PLVAP: variants seen among roughly 807,000 people sequenced by gnomAD.
The protein encoded by PLVAP is plasmalemma vesicle-associated protein.
A neutral mutation model predicts 43.1 loss-of-function variants in PLVAP; 34 were observed. The ratio of observed to expected loss-of-function variants is 0.79; its 90% confidence interval spans 0.60 to 1.05. The LOEUF (loss-of-function observed/expected upper bound fraction) is 1.05. Ranked by LOEUF, PLVAP falls within the 50% of genes least tolerant of loss-of-function variation. PLVAP has a pLI of 0.00. For synonymous variants in PLVAP, 241 were observed against 237.3 expected (o/e 1.02, Z -0.14); for missense variants, 574 against 593.4 (o/e 0.97, Z 0.34).
Position 17,352,134 on chromosome 19 carries a change from C to T in PLVAP, c.*228G>A. On this transcript the variant is annotated 3_prime_UTR_variant, in exon 6 of 6. Transcript: ENST00000252590. Reference sequence around the variant, plus strand: ...GTGATATGTGACGTCAGCGCCGTTGCTTGCGTGACGTCATCTCCGCGGCCG... The same window carrying T: ...GTGATATGTGACGTCAGCGCCGTTGTTTGCGTGACGTCATCTCCGCGGCCG... 1.0e-5 allele frequency: 6 copies of T among 592,478 alleles called. No individual in the cohort carries two copies. The highest frequency in any genetic ancestry group is 5.6e-5 in the Admixed American group (2 of 35,864). The allele number at this position is 592,478 out of a possible 1,614,324, so 36.7% of individuals were successfully genotyped here. A position where few individuals can be genotyped will look rare whatever the true frequency, so the allele number is the denominator to read the frequency against.
rs376229834 is a variant in PLVAP, at chr19:17,352,138, C to A, written c.*224G>T. On this transcript the variant is annotated 3_prime_UTR_variant, in exon 6 of 6. Transcript: ENST00000252590. ...TATGTGACGTCAGCGCCGTTGCTTG[C>A]GTGACGTCATCTCCGCGGCCGTGTG... 6.8e-5 allele frequency: 41 copies of A among 598,870 alleles called. No individual in the cohort carries two copies. The highest frequency in any genetic ancestry group is 9.2e-4 in the Middle Eastern group (2 of 2,172). 37.1% of individuals were successfully genotyped at this position (598,870 alleles called of 1,614,324 possible).
chr19:17,356,146 T>TA (rs1416148720), intron 5 of PLVAP, among the ~76,000 whole-genome samples: 1 of 151,924 alleles, frequency 6.6e-6, no homozygotes, highest in East Asian at 1.9e-4. Flanking sequence ...CTGTCTCTAC[T>TA]AAAAAATACA....
intron 5 of PLVAP, among the ~76,000 whole-genome samples, chr19:17,359,947 C>A (rs1393218958): frequency 1.3e-5 from 2 of 152,188 alleles, no homozygotes; most frequent in African/African-American, 2.4e-5. Flanking sequence ...TCCCTCACCC[C>A]CGTCCAGCCT....
At chr19:17,370,101 G>A (rs954794717) in intron 1 of PLVAP, among the ~76,000 whole-genome samples, 1 of 150,542 alleles carries the variant, frequency 6.6e-6, no homozygotes, top group Non-Finnish European at 1.5e-5. Flanking sequence ...ACACACCCAC[G>A]AGGGTGGCTA....
chr19:17,371,871 A>ATT lies in PLVAP; in HGVS notation c.369+5048_369+5049insAA, dbSNP rs34932593. The stretch of plus-strand genomic sequence containing the variant: ...TTGGAAGAGAACCCTCTGCAGAAAT[A>ATT]TAATAAGACATGAAGAATCAGGAGA... On this transcript the variant is annotated intron_variant, in intron 1 of 5. Coordinates refer to ENST00000252590, the MANE Select transcript of PLVAP (RefSeq NM_031310.3). 7.9e-4 allele frequency among the ~76,000 whole-genome samples: 120 copies of ATT among 152,300 alleles called. 3 individuals carry two copies. The Middle Eastern group carries it at 0.068, about 87-fold the overall frequency.
chr19:17,372,934 C>T (rs1277236127), intron 1 of PLVAP, among the ~76,000 whole-genome samples: 4 of 150,424 alleles, frequency 2.7e-5, no homozygotes, highest in East Asian at 2.0e-4. Flanking sequence ...GGCATGTTGG[C>T]GGGCACCTGT....
At position 17,376,977 on chromosome 19, in the gene PLVAP, A is replaced by G. The variant is rs2145729250; in HGVS notation, c.312T>C (p.Asn104=). The G allele has an allele frequency of 6.2e-7, 1 of 1,614,082 alleles. No individual in the cohort carries two copies. Among genetic ancestry groups the G allele is most frequent in the Non-Finnish European group, 8.5e-7 (1 of 1,180,018 alleles). ...TGATGCGGTCCAGGTCGCGGCGAGC[A>G]TTCAGCCACATCTGCATGATGGCAT... ...AKDAIMQMWL[N]ARRDLDRINA... The change falls in exon 1 of 6, where the codon AAT becomes AAC. Residue 104 remains asparagine (N), a synonymous_variant. Transcript: ENST00000252590.
intron 3 of PLVAP, among the ~76,000 whole-genome samples, chr19:17,361,530 G>A (rs1055765448): frequency 1.3e-5 from 2 of 151,968 alleles, no homozygotes; most frequent in African/African-American, 2.4e-5. Context: ...CCAACCTACC[G>A]TGTAGACTAA....
intron 5 of PLVAP, among the ~76,000 whole-genome samples, chr19:17,358,516 G>A (rs1038366795): frequency 1.3e-5 from 2 of 152,178 alleles, no homozygotes; most frequent in African/African-American, 4.8e-5. Flanking sequence ...AAACAGCAAT[G>A]CCAGGCCCTG....
At chr19:17,353,093 GC>G (rs1443525661) in intron 5 of PLVAP, among the ~76,000 whole-genome samples, 1 of 152,226 alleles carries the variant, frequency 6.6e-6, no homozygotes, top group Non-Finnish European at 1.5e-5. Context: ...TTGGCTTAGA[GC>G]CTGTTTCCTG....
chr19:17,352,322 C>A lies in PLVAP; in HGVS notation c.*40G>T, dbSNP rs780456168. On this transcript the variant is annotated 3_prime_UTR_variant, in exon 6 of 6. Coordinates refer to ENST00000252590, the MANE Select transcript of PLVAP (RefSeq NM_031310.3). ...TATCCCTGCATCCTCCGCAAACCGC[C>A]GAGTCGGGCCATCCCTTGGTCCTCA... is the stretch of plus-strand genomic sequence containing the variant. 4 of 1,612,512 alleles carry A rather than the reference C, an allele frequency of 2.5e-6. No homozygotes were observed. Among genetic ancestry groups the A allele is most frequent in the Non-Finnish European group, 3.4e-6 (4 of 1,179,032 alleles).
intron 5 of PLVAP, among the ~76,000 whole-genome samples, chr19:17,358,761 C>A (rs2074516241): frequency 6.6e-6 from 1 of 152,040 alleles, no homozygotes; most frequent in African/African-American, 2.4e-5. Context: ...TGGCACCTTG[C>A]AATTAGCAAA....
At position 17,352,156 on chromosome 19, in the gene PLVAP, GC is replaced by G. The variant is rs2074488416; in HGVS notation, c.*205del. The G allele has an allele frequency of 4.6e-6, 3 of 649,948 alleles. No individual in the cohort carries two copies. Among genetic ancestry groups the G allele is most frequent in the East Asian group, 2.8e-5 (1 of 36,146 alleles). 40.3% of individuals were successfully genotyped at this position (649,948 alleles called of 1,614,324 possible). A position where few individuals can be genotyped will look rare whatever the true frequency, so the allele number is the denominator to read the frequency against. On this transcript the variant is annotated 3_prime_UTR_variant, in exon 6 of 6. Coordinates refer to ENST00000252590, the MANE Select transcript of PLVAP (RefSeq NM_031310.3). ...TTGCTTGCGTGACGTCATCTCCGCG[GC>G]CGTGTGCTCTGGGTGAGGGATCGTG...
In PLVAP at chr19:17,360,617, G is replaced by A; in HGVS notation, c.1241-8C>T. Reference sequence around the variant, plus strand: ...CCTCCAGGCTAGCTGGGTCTGTGGAGGGAGAGAGGTGAGGCTTGACCTACA... The same window carrying A: ...CCTCCAGGCTAGCTGGGTCTGTGGAAGGAGAGAGGTGAGGCTTGACCTACA... On this transcript the variant is annotated splice_polypyrimidine_tract_variant and splice_region_variant and intron_variant, in intron 4 of 5. Transcript: ENST00000252590. 6.2e-7 allele frequency: 1 copy of A among 1,610,876 alleles called. No homozygotes were observed. The highest frequency in any genetic ancestry group is 1.1e-5 in the South Asian group (1 of 90,698).
chr19:17,355,527 TAA>T (rs2074503484), intron 5 of PLVAP, among the ~76,000 whole-genome samples: 2 of 117,978 alleles, frequency 1.7e-5, no homozygotes, highest in African/African-American at 8.7e-5. Context: ...CATGCCTGGT[TAA>T]TTTTTTTTTT....
chr19:17,364,525 A>C (rs753971190), intron 3 of PLVAP, among the ~76,000 whole-genome samples: 1 of 152,002 alleles, frequency 6.6e-6, no homozygotes, highest in Non-Finnish European at 1.5e-5. Context: ...ATCCTTTCTC[A>C]ATGTCATTCC....
In PLVAP at chr19:17,369,254, C is replaced by T. The variant is rs571047865; in HGVS notation, c.370-3059G>A. 1.1e-4 allele frequency among the ~76,000 whole-genome samples: 17 copies of T among 151,518 alleles called. No homozygotes were observed. In the South Asian group the frequency reaches 2.7e-3, roughly 24 times the overall value. ...AGCCTGGAGTGCAGTGGCACGATCT[C>T]GGCTCACTGTAACCTCCGTCTCCCG... On this transcript the variant is annotated intron_variant, in intron 1 of 5. Coordinates refer to ENST00000252590, the MANE Select transcript of PLVAP (RefSeq NM_031310.3).
At chr19:17,358,535 G>A (rs180722571) in intron 5 of PLVAP, among the ~76,000 whole-genome samples, 6 of 152,252 alleles carry the variant, frequency 3.9e-5, no homozygotes, top group East Asian at 1.9e-4. Context: ...TGACTCCTCC[G>A]TCAGTGGTGT....
At chr19:17,352,397 CAG>C (rs1407045867) in intron 5 of PLVAP, 29 bp from the exon 6 acceptor site, 6 of 1,611,296 alleles carry the variant, frequency 3.7e-6, no homozygotes, top group Non-Finnish European at 4.2e-6. Flanking sequence ...GGTAACACAA[CAG>C]AGTGTCAGAC....
Sources: allele counts gnomAD v4.1 joint callset (sites outside exome capture counted in the v4.1 genomes callset), GRCh38; gene constraint gnomAD v4.1.1; transcripts MANE v1.5; gene names NCBI Gene and HGNC (gene_info 2026-07-23, HGNC 2026-07-21).